Variants in GATA4 observed in about 807,000 individuals in gnomAD.
The protein encoded by GATA4 is transcription factor GATA-4.
Under a neutral mutation model 37.9 loss-of-function variants are expected in GATA4, and 7 were observed. That is an observed-to-expected ratio of 0.18 (90% CI 0.11 to 0.35). The LOEUF is 0.35. Among genes scored for constraint, GATA4 ranks in the 10% least tolerant of loss-of-function variants. GATA4 has a pLI of 1.00. For missense variants in GATA4, 647 were observed against 653.0 expected (o/e 0.99, Z 0.10); for synonymous variants, 372 against 292.6 (o/e 1.27, Z -2.77).
chr8:11,692,796 G>A, intron 1 of GATA4: 1 of 982,452 alleles, frequency 1.0e-6, no homozygotes, highest in Non-Finnish European at 1.2e-6. Context: ...GGGAGGAAGC[G>A]GGGCCGGCGC....
chr8:11,683,056 G>C (rs1401643768), intron 1 of GATA4: 4 of 985,230 alleles, frequency 4.1e-6, no homozygotes. Context: ...CAGCTCTCTG[G>C]TGTCTCTTAC....
chr8:11,758,743 C>G lies in GATA4; in HGVS notation c.*268C>G. ...CTCCTGTGAGTTGGAGACTTCTTTC[C>G]CAAGATGTCCTTGTCCCCTGCGTTC... On this transcript the variant is annotated 3_prime_UTR_variant, in exon 7 of 7. Transcript: ENST00000532059. The G allele has an allele frequency of 1.9e-6, 1 of 516,686 alleles. No homozygotes were observed. The highest frequency in any genetic ancestry group is 2.0e-5 in the South Asian group (1 of 49,592). The allele number at this position is 516,686 out of a possible 1,614,324, so 32.0% of individuals were successfully genotyped here.
At chr8:11,701,837 G>A (rs1466153983), upstream of GATA4, among the ~76,000 whole-genome samples, 3 of 141,530 alleles carry the variant, frequency 2.1e-5, no homozygotes, top group African/African-American at 7.6e-5. Flanking sequence ...GAAGGTGTGG[G>A]TAAAGGACCG....
intron 2 of GATA4, among the ~76,000 whole-genome samples, chr8:11,718,418 G>C (rs563749986): frequency 1.3e-5 from 2 of 152,364 alleles, no homozygotes; most frequent in East Asian, 3.9e-4. Context: ...CAAAGGAGGA[G>C]TAAAATCCAG....
upstream of GATA4, among the ~76,000 whole-genome samples, chr8:11,701,686 C>G (rs990737819): frequency 6.6e-6 from 1 of 152,166 alleles, no homozygotes; most frequent in Non-Finnish European, 1.5e-5. Flanking sequence ...GAGCTGAGGC[C>G]TTGGGGAGAA....
At chr8:11,756,554 G>A (rs1285255778) in intron 5 of GATA4, 2 of 345,334 alleles carry the variant, frequency 5.8e-6, no homozygotes, top group African/African-American at 2.1e-5. Flanking sequence ...CATTCAGTAT[G>A]ATATTCACGT....
chr8:11,713,892 G>C (rs1215835443), intron 2 of GATA4, among the ~76,000 whole-genome samples: 2 of 152,194 alleles, frequency 1.3e-5, no homozygotes, highest in Non-Finnish European at 1.5e-5. Context: ...GGAGAACGTA[G>C]CTGTTTCCTT....
intron 4 of GATA4, among the ~76,000 whole-genome samples, chr8:11,752,493 A>G (rs1014699179): frequency 1.2e-4 from 18 of 152,302 alleles, no homozygotes; most frequent in African/African-American, 4.3e-4. Flanking sequence ...AGACTTACTC[A>G]CTATAGTGAG....
At chr8:11,677,210 C>T (rs1274566488) in intron 1 of GATA4, 3 of 152,798 alleles carry the variant, frequency 2.0e-5, no homozygotes, top group Non-Finnish European at 2.9e-5. Context: ...GAAGGCTTCC[C>T]CAGCGTGGGG....
At chr8:11,753,519 T>C (rs1430110765) in intron 4 of GATA4, among the ~76,000 whole-genome samples, 2 of 144,854 alleles carry the variant, frequency 1.4e-5, no homozygotes, top group Admixed American at 1.4e-4. Context: ...CATACCTAAG[T>C]GAATGGAGAT....
intron 1 of GATA4, among the ~76,000 whole-genome samples, chr8:11,681,933 C>G (rs1039542134): frequency 6.6e-6 from 1 of 152,196 alleles, no homozygotes; most frequent in African/African-American, 2.4e-5. Flanking sequence ...ATCTGAGATC[C>G]TTGCCCCTCA....
chr8:11,725,950 C>T (rs767066615), intron 2 of GATA4, among the ~76,000 whole-genome samples: 11 of 152,234 alleles, frequency 7.2e-5, no homozygotes, highest in East Asian at 1.9e-4. Flanking sequence ...AATTCCTGAG[C>T]GTCAGCCTGT....
chr8:11,678,372 G>A (rs1798849018), intron 1 of GATA4, among the ~76,000 whole-genome samples: 1 of 152,160 alleles, frequency 6.6e-6, no homozygotes, highest in African/African-American at 2.4e-5. Context: ...AGCCCCACCG[G>A]CTTCCAGGGG....
chr8:11,699,370 T>C (rs866976842), upstream of GATA4, among the ~76,000 whole-genome samples: 1 of 152,128 alleles, frequency 6.6e-6, no homozygotes, highest in Non-Finnish European at 1.5e-5. Context: ...TGTGAAAGAA[T>C]TGGGGCCTGT....
At position 11,693,558 on chromosome 8, in the gene GATA4, CACACAGAGAGAGAG is replaced by C. The variant is rs750551737; in HGVS notation, c.-729+900_-729+913del. Among the ~76,000 whole-genome samples the C allele has an allele frequency of 9.7e-5, 8 of 82,322 alleles. No individual in the cohort carries two copies. The East Asian group carries it at 1.3e-3, about 14-fold the overall frequency. 54.0% of individuals were successfully genotyped at this position (82,322 alleles called of 152,430 possible). A position where few individuals can be genotyped will look rare whatever the true frequency, so the allele number is the denominator to read the frequency against. On this transcript the variant is annotated intron_variant, in intron 1 of 2. Transcript: ENST00000526974. The stretch of plus-strand genomic sequence containing the variant: ...ACACACACACACACACACACACACA[CACACAGAGAGAGAG>C]AGAGAGAGAGAGAGAGAGAGAGACA...
chr8:11,754,042 G>C (rs950767685), intron 4 of GATA4, among the ~76,000 whole-genome samples: 1 of 152,158 alleles, frequency 6.6e-6, no homozygotes, highest in Non-Finnish European at 1.5e-5. Context: ...CTGGTCACAG[G>C]GCAGTCTCTA....
At position 11,693,704 on chromosome 8, in the gene GATA4, A is replaced by G. The variant is rs544609111; in HGVS notation, c.-729+1044A>G. Among the ~76,000 whole-genome samples the G allele has an allele frequency of 6.1e-4, 93 of 152,158 alleles. 1 individual carries two copies. The South Asian group carries it at 0.018, about 30-fold the overall frequency. On this transcript the variant is annotated intron_variant, in intron 1 of 2. Transcript: ENST00000526974. ...ACACCAGGAGGAGGTGATGGAAACT[A>G]TACTGGGGCCTGCATCTCTTGCCCT...
rs1265126291 is a variant in GATA4, at chr8:11,749,124, T to G, written c.786+39T>G. 1 of 1,608,352 alleles carries G rather than the reference T, an allele frequency of 6.2e-7. No homozygotes were observed. ...TCGCAGCCTCCTCTGGGCACCTGGC[T>G]GCGGAGCTCTCGCCTTGGTGGGACA... On this transcript the variant is annotated intron_variant, in intron 3 of 6. Coordinates refer to ENST00000532059, the MANE Select transcript of GATA4 (RefSeq NM_001308093.3). This position sits in a 1 kb window ranked among gnomAD's most constrained non-coding sequence, Gnocchi z 4.6.
chr8:11,742,380 T>A (rs1205601168), intron 2 of GATA4, among the ~76,000 whole-genome samples: 1 of 92,950 alleles, frequency 1.1e-5, no homozygotes, highest in Admixed American at 9.8e-5. Flanking sequence ...GTTTTTGGTG[T>A]TTTGTTTTTT....
Sources: allele counts gnomAD v4.1 joint callset (sites outside exome capture counted in the v4.1 genomes callset), GRCh38; gene constraint gnomAD v4.1.1; non-coding constraint Gnocchi (gnomAD v3.1); transcripts MANE v1.5; gene names NCBI Gene and HGNC (gene_info 2026-07-23, HGNC 2026-07-21).